Variants in PRKG1 observed in about 807,000 individuals in gnomAD.
PRKG1 encodes the protein cGMP-dependent protein kinase 1.
Under a neutral mutation model 88.1 loss-of-function variants are expected in PRKG1, and 35 were observed. That is an observed-to-expected ratio of 0.40 (90% confidence interval 0.30 to 0.53). PRKG1 has a LOEUF of 0.53. PRKG1 is among the 20% of genes least tolerant of loss of function. The pLI is 0.59. For missense variants in PRKG1, 540 were observed against 839.8 expected (o/e 0.64, Z 4.41); for synonymous variants, 303 against 292.5 (o/e 1.04, Z -0.37).
At chr10:51,046,915 G>A (rs1005464971) in intron 1 of PRKG1, among the ~76,000 whole-genome samples, 1 of 152,188 alleles carries the variant, frequency 6.6e-6, no homozygotes, top group African/African-American at 2.4e-5. Context: ...ATGTCAGGCT[G>A]CTTGGATGGA....
chr10:52,033,458 T>C (rs1845522074), intron 5 of PRKG1, among the ~76,000 whole-genome samples: 1 of 152,192 alleles, frequency 6.6e-6, no homozygotes, highest in Admixed American at 6.5e-5. Flanking sequence ...TAACCCTCTC[T>C]TTCTGGGTTC....
At chr10:51,012,228 A>G (rs1843001881) in intron 1 of PRKG1, among the ~76,000 whole-genome samples, 1 of 152,210 alleles carries the variant, frequency 6.6e-6, no homozygotes, top group South Asian at 2.1e-4. Context: ...GCTCAGGGTA[A>G]GGAGGAGCTT....
chr10:51,920,418 T>C (rs1036528584), intron 5 of PRKG1, among the ~76,000 whole-genome samples: 2 of 152,294 alleles, frequency 1.3e-5, no homozygotes, highest in Non-Finnish European at 2.9e-5. Context: ...CTGATAGCCA[T>C]CTTGCCGATT....
At chr10:51,082,523 C>G (rs1278941469) in intron 1 of PRKG1, among the ~76,000 whole-genome samples, 1 of 152,100 alleles carries the variant, frequency 6.6e-6, no homozygotes, top group Non-Finnish European at 1.5e-5. Flanking sequence ...TGATGATTCT[C>G]CATGTAACTT....
intron 8 of PRKG1, among the ~76,000 whole-genome samples, chr10:52,141,182 A>G (rs1837571911): frequency 6.6e-6 from 1 of 152,178 alleles, no homozygotes; most frequent in African/African-American, 2.4e-5. Flanking sequence ...AGGAAAGATA[A>G]AATCTAGAGG....
At chr10:51,452,425 G>A (rs1588971929) in intron 2 of PRKG1, among the ~76,000 whole-genome samples, 1 of 151,886 alleles carries the variant, frequency 6.6e-6, no homozygotes, top group African/African-American at 2.4e-5. Flanking sequence ...TTGGCTGTGC[G>A]TTTGTCATAG....
chr10:51,938,448 C>A (rs976014288), intron 5 of PRKG1, among the ~76,000 whole-genome samples: 1 of 151,952 alleles, frequency 6.6e-6, no homozygotes, highest in South Asian at 2.1e-4. Context: ...TTTTATGAAT[C>A]TGAACCTAAA....
At chr10:51,737,740 A>AATTATTATTATTATT in intron 3 of PRKG1, among the ~76,000 whole-genome samples, 1 of 133,424 alleles carries the variant, frequency 7.5e-6, no homozygotes, top group Non-Finnish European at 1.6e-5. Flanking sequence ...TTTATTTATT[A>AATTATTATTATTATT]ATTATTATTA....
At chr10:52,162,113 A>T (rs1838292027) in intron 9 of PRKG1, 150 bp downstream of exon 9, 1 of 654,678 alleles carries the variant, frequency 1.5e-6, no homozygotes, top group African/African-American at 1.8e-5. Context: ...CAAGATAATT[A>T]TTACACGGTA....
At chr10:51,122,834 CTG>C (rs964562055) in intron 1 of PRKG1, among the ~76,000 whole-genome samples, 2 of 152,102 alleles carry the variant, frequency 1.3e-5, no homozygotes, top group African/African-American at 4.8e-5. Context: ...TAGACCAGAT[CTG>C]TCTCTCTCAC....
chr10:51,923,078 C>T (rs560107678), intron 5 of PRKG1, among the ~76,000 whole-genome samples: 3 of 152,066 alleles, frequency 2.0e-5, no homozygotes, highest in African/African-American at 4.8e-5. Context: ...GGTGCTCTGT[C>T]GTTAGGTTTA....
chr10:52,142,571 A>G (rs1837611301), intron 8 of PRKG1, among the ~76,000 whole-genome samples: 1 of 152,218 alleles, frequency 6.6e-6, no homozygotes, highest in African/African-American at 2.4e-5. Flanking sequence ...CTCAATATAT[A>G]GATCAATCGA....
chr10:51,672,319 G>A (rs1840603258), intron 3 of PRKG1, among the ~76,000 whole-genome samples: 1 of 151,640 alleles, frequency 6.6e-6, no homozygotes, highest in African/African-American at 2.4e-5. Context: ...TTTTATTCTG[G>A]ATAATTTCTT....
intron 3 of PRKG1, among the ~76,000 whole-genome samples, chr10:51,612,915 T>C (rs1838948399): frequency 6.6e-6 from 1 of 152,084 alleles, no homozygotes; most frequent in Non-Finnish European, 1.5e-5. Flanking sequence ...ATATAATATG[T>C]CACATTTATT....
In PRKG1 at chr10:51,780,062, T is replaced by C. The variant is rs770811707; in HGVS notation, c.593-24523T>C. Among the ~76,000 whole-genome samples, 222 of 152,286 alleles carry C rather than the reference T, an allele frequency of 1.5e-3. 1 individual carries two copies. Among genetic ancestry groups the C allele is most frequent in the Non-Finnish European group, 2.5e-3 (167 of 68,020 alleles). ...TAGCCTGAATCTCCCATTTTGAGTTTGGCATAATCTGTTCTTTTAGTTACA... is the reference window on the plus strand; with the variant it reads ...TAGCCTGAATCTCCCATTTTGAGTTCGGCATAATCTGTTCTTTTAGTTACA... On this transcript the variant is annotated intron_variant, in intron 3 of 17. Coordinates refer to ENST00000373980, the MANE Select transcript of PRKG1 (RefSeq NM_006258.4).
At chr10:51,612,462 C>A (rs574865149) in intron 3 of PRKG1, among the ~76,000 whole-genome samples, 2 of 151,836 alleles carry the variant, frequency 1.3e-5, no homozygotes, top group Admixed American at 1.3e-4. Context: ...ATGCTACTGA[C>A]TTTTGTATGT....
intron 2 of PRKG1, among the ~76,000 whole-genome samples, chr10:51,327,446 A>G (rs1425971888): frequency 6.6e-6 from 1 of 152,094 alleles, no homozygotes; most frequent in African/African-American, 2.4e-5. Context: ...AACTAAAACA[A>G]GATAGCAAAA....
At chr10:51,861,017 T>C (rs1840859329) in intron 4 of PRKG1, among the ~76,000 whole-genome samples, 1 of 152,214 alleles carries the variant, frequency 6.6e-6, no homozygotes. Flanking sequence ...GGGTACTCAC[T>C]ACATGCCTAG....
At chr10:51,031,894 G>T in intron 1 of PRKG1, among the ~76,000 whole-genome samples, 1 of 152,264 alleles carries the variant, frequency 6.6e-6, no homozygotes, top group Non-Finnish European at 1.5e-5. Flanking sequence ...ATGAACCTGT[G>T]ATTTTAGGTG....
Sources: gnomAD v4.1 joint callset for allele counts (sites outside exome capture counted in the v4.1 genomes callset) on GRCh38, gnomAD v4.1.1 for gene constraint, MANE v1.5 for transcripts, NCBI Gene and HGNC (gene_info 2026-07-23, HGNC 2026-07-21) for gene names.